Variants in KCNIP3 observed in about 807,000 individuals in gnomAD.
KCNIP3 encodes the protein potassium voltage-gated channel interacting protein 3, also known as calsenilin.
A neutral mutation model predicts 35.0 loss-of-function variants in KCNIP3; 28 were observed. That is an observed-to-expected ratio of 0.80 (90% CI 0.59 to 1.10). The LOEUF (loss-of-function observed/expected upper bound fraction) is 1.10, where lower values mean the gene tolerates loss of function less well. KCNIP3 is among the 50% of genes least tolerant of loss of function. The probability of loss-of-function intolerance (pLI) is 0.00; values close to 1 mark genes in which losing one functional copy is unlikely to be tolerated. For missense variants in KCNIP3, 295 were observed against 338.4 expected, an observed-to-expected ratio of 0.87 and a Z score of 1.01; for synonymous variants, 134 against 133.8, an observed-to-expected ratio of 1.00 and a Z score of -0.01.
intron 5 of KCNIP3, among the ~76,000 whole-genome samples, chr2:95,379,747 CAG>C (rs1468787172): frequency 6.6e-6 from 1 of 152,228 alleles, no homozygotes; most frequent in Non-Finnish European, 1.5e-5. Context: ...CCTCCTGCCT[CAG>C]GCGCTGCTGC....
intron 2 of KCNIP3, among the ~76,000 whole-genome samples, chr2:95,315,776 G>T (rs1172330165): frequency 6.6e-6 from 1 of 152,108 alleles, no homozygotes; most frequent in Non-Finnish European, 1.5e-5. Context: ...ACCGTAGGGG[G>T]CGGGTGGGCT....
At chr2:95,335,969 A>T (rs1046235120) in intron 2 of KCNIP3, among the ~76,000 whole-genome samples, 1 of 152,086 alleles carries the variant, frequency 6.6e-6, no homozygotes, top group Non-Finnish European at 1.5e-5. Context: ...TATTTGTCAC[A>T]TGCCTTTTTG....
chr2:95,374,730 A>T, intron 3 of KCNIP3, 118 bp from the exon 4 acceptor site: 1 of 1,211,372 alleles, frequency 8.3e-7, no homozygotes, highest in Non-Finnish European at 1.2e-6. Context: ...GGGCCCCAGC[A>T]GTGCCACAGG....
intron 2 of KCNIP3, among the ~76,000 whole-genome samples, chr2:95,357,201 G>A (rs1679676323): frequency 6.6e-6 from 1 of 152,208 alleles, no homozygotes; most frequent in Admixed American, 6.5e-5. Context: ...CAAGTCCAGT[G>A]CCCCTTGATG....
intron 1 of KCNIP3, among the ~76,000 whole-genome samples, chr2:95,301,239 G>T (rs1678018881): frequency 6.6e-6 from 1 of 152,270 alleles, no homozygotes; most frequent in Non-Finnish European, 1.5e-5. Context: ...GCAGTGCAGG[G>T]CTGGGAGGCA....
Position 95,373,414 on chromosome 2 carries a change from GTTTTTTTTTT to G in KCNIP3, c.182-865_182-856del, listed in dbSNP as rs70964869. 6.7e-5 allele frequency among the ~76,000 whole-genome samples: 4 copies of G among 60,024 alleles called. No individual in the cohort carries two copies. In the East Asian group the frequency reaches 2.2e-3, roughly 34 times the overall value. The allele number at this position is 60,024 out of a possible 152,430, so 39.4% of individuals were successfully genotyped here. A position where few individuals can be genotyped will look rare whatever the true frequency, so the allele number is the denominator to read the frequency against. ...GCCATGGTTAGTTAACAAGTTTGTG[GTTTTTTTTTT>G]TTTTTTTTTTTTTTTTGAGATGCAG... On this transcript the variant is annotated intron_variant, in intron 2 of 8. Transcript: ENST00000295225.
At chr2:95,371,299 T>A (rs1219015258) in intron 2 of KCNIP3, among the ~76,000 whole-genome samples, 2 of 152,240 alleles carry the variant, frequency 1.3e-5, no homozygotes, top group Admixed American at 6.5e-5. Context: ...AATCATTCAA[T>A]TCAAAATATC....
chr2:95,350,749 C>A lies in KCNIP3; in HGVS notation c.182-23547C>A, dbSNP rs1449069919. 2.0e-5 allele frequency among the ~76,000 whole-genome samples: 3 copies of A among 152,280 alleles called. No homozygotes were observed. In the East Asian group the frequency reaches 5.8e-4, roughly 29 times the overall value. On this transcript the variant is annotated intron_variant, in intron 2 of 8. Transcript: ENST00000295225. The stretch of plus-strand genomic sequence containing the variant: ...GGCTCTTTACCCAGCTGTACATTAT[C>A]ATTGTAATCACCTGGGAACTTTAAA...
At chr2:95,375,422 T>G (rs1435243473) in intron 5 of KCNIP3, among the ~76,000 whole-genome samples, 1 of 151,874 alleles carries the variant, frequency 6.6e-6, no homozygotes, top group East Asian at 1.9e-4. Context: ...GTTCTCAGCC[T>G]TTTCTTCCAT....
At chr2:95,334,134 C>A (rs1678999309) in intron 2 of KCNIP3, among the ~76,000 whole-genome samples, 1 of 152,242 alleles carries the variant, frequency 6.6e-6, no homozygotes, top group Non-Finnish European at 1.5e-5. Flanking sequence ...GCGTCAGCAT[C>A]ATAAAACATG....
chr2:95,344,284 C>A (rs890997710), intron 2 of KCNIP3, among the ~76,000 whole-genome samples: 4 of 146,818 alleles, frequency 2.7e-5, no homozygotes, highest in African/African-American at 1.0e-4. Context: ...TGGGGGGGGG[C>A]ACATGGGGCT....
chr2:95,333,832 G>A (rs566108650), intron 2 of KCNIP3, among the ~76,000 whole-genome samples: 3 of 152,116 alleles, frequency 2.0e-5, no homozygotes, highest in Non-Finnish European at 2.9e-5. Flanking sequence ...GATAGGGGGC[G>A]TCTCACTCCT....
In KCNIP3 at chr2:95,384,268, C is replaced by T; in HGVS notation, c.*219C>T. 1.8e-6 allele frequency: 1 copy of T among 566,630 alleles called. No individual in the cohort carries two copies. Among genetic ancestry groups the T allele is most frequent in the South Asian group, 2.2e-5 (1 of 45,144 alleles). 35.1% of individuals were successfully genotyped at this position (566,630 alleles called of 1,614,324 possible). A position where few individuals can be genotyped will look rare whatever the true frequency, so the allele number is the denominator to read the frequency against. On this transcript the variant is annotated 3_prime_UTR_variant, in exon 9 of 9. Coordinates refer to ENST00000295225, the MANE Select transcript of KCNIP3 (RefSeq NM_013434.5). Reference sequence around the variant, plus strand: ...GGGAGGGGCTGAGTCTGGCTAGGGGCCGAGTCCAGGAGCCCCAGCCAGCCC... The same window carrying T: ...GGGAGGGGCTGAGTCTGGCTAGGGGTCGAGTCCAGGAGCCCCAGCCAGCCC...
At chr2:95,302,412 C>T (rs1348346929) in intron 1 of KCNIP3, among the ~76,000 whole-genome samples, 3 of 152,236 alleles carry the variant, frequency 2.0e-5, no homozygotes, top group Non-Finnish European at 4.4e-5. Context: ...AGTAGCCCAG[C>T]CCTCTCTGCA....
At chr2:95,305,232 G>A (rs1678139006) in intron 1 of KCNIP3, among the ~76,000 whole-genome samples, 1 of 152,222 alleles carries the variant, frequency 6.6e-6, no homozygotes, top group Non-Finnish European at 1.5e-5. Flanking sequence ...GAGCACAGGG[G>A]ACTTTTGATC....
intron 2 of KCNIP3, among the ~76,000 whole-genome samples, chr2:95,344,226 A>G (rs1410936765): frequency 6.8e-6 from 1 of 147,276 alleles, no homozygotes; most frequent in African/African-American, 2.5e-5. Flanking sequence ...AAGGAAATGC[A>G]CGCCAGGGCA....
chr2:95,304,228 T>C (rs1678116993), intron 1 of KCNIP3, among the ~76,000 whole-genome samples: 1 of 152,270 alleles, frequency 6.6e-6, no homozygotes, highest in South Asian at 2.1e-4. Context: ...CTTATTATTT[T>C]TCTTTAAATT....
At chr2:95,361,126 A>C (rs1679789473) in intron 2 of KCNIP3, among the ~76,000 whole-genome samples, 1 of 152,226 alleles carries the variant, frequency 6.6e-6, no homozygotes, top group Non-Finnish European at 1.5e-5. Flanking sequence ...GCTGATCAAT[A>C]GTAAAAAGCC....
rs1271280235 is a variant in KCNIP3 at position 95,362,113 on chromosome 2, C to CT, written c.182-12172dup. Among the ~76,000 whole-genome samples, 269 of 140,938 alleles carry CT rather than the reference C, an allele frequency of 1.9e-3. 1 individual carries two copies. Among genetic ancestry groups the CT allele is most frequent in the South Asian group, 3.9e-3 (17 of 4,394 alleles). The allele number at this position is 140,938 out of a possible 152,430, so 92.5% of individuals were successfully genotyped here. ...CTGTCTCTCCTACCCTTTTTTTTTTCTTTTTTTTTTTGAGATGGAGTCTTG... is the reference window on the plus strand; with the variant it reads ...CTGTCTCTCCTACCCTTTTTTTTTTCTTTTTTTTTTTTGAGATGGAGTCTTG... On this transcript the variant is annotated intron_variant, in intron 2 of 8. Coordinates refer to ENST00000295225, the MANE Select transcript of KCNIP3 (RefSeq NM_013434.5).
Sources: gnomAD v4.1 joint callset for allele counts (sites outside exome capture counted in the v4.1 genomes callset) on GRCh38, gnomAD v4.1.1 for gene constraint, MANE v1.5 for transcripts, NCBI Gene and HGNC (gene_info 2026-07-23, HGNC 2026-07-21) for gene names.